Variants in DNAJA3 observed in about 807,000 individuals in gnomAD.
DNAJA3 encodes the protein dnaJ homolog subfamily A member 3, mitochondrial.
In DNAJA3, 29 loss-of-function variants were observed where a neutral mutation model predicts 54.9. The ratio of observed to expected loss-of-function variants is 0.53; its 90% CI spans 0.39 to 0.72. The LOEUF is 0.72. Among genes scored for constraint, DNAJA3 ranks in the 30% least tolerant of loss-of-function variants. The pLI, the probability that DNAJA3 is intolerant of heterozygous loss-of-function variation, is 0.00. For synonymous variants in DNAJA3, 302 were observed against 251.4 expected, an observed-to-expected ratio of 1.20 and a Z score of -1.90; for missense variants, 708 against 639.4, an observed-to-expected ratio of 1.11 and a Z score of -1.16.
intron 5 of DNAJA3, 87 bp from the exon 6 acceptor site, chr16:4,442,930 G>A: frequency 8.1e-6 from 12 of 1,481,134 alleles, no homozygotes; most frequent in Non-Finnish European, 1.0e-5. Flanking sequence ...GCCTTAAAGA[G>A]ACATTTTTCT....
At chr16:4,442,509 C>T in intron 5 of DNAJA3, 89 bp downstream of exon 5, 1 of 1,407,628 alleles carries the variant, frequency 7.1e-7, no homozygotes, top group Admixed American at 2.8e-5. Context: ...AGAACGTATG[C>T]TGGGAATTGG....
chr16:4,442,893 T>C, intron 5 of DNAJA3, 124 bp from the exon 6 acceptor site: 1 of 1,090,468 alleles, frequency 9.2e-7, no homozygotes, highest in Non-Finnish European at 1.3e-6. Context: ...GGCAGTGTGT[T>C]TGAGTGCACA....
At chr16:4,446,406 G>A (rs749726047) in intron 7 of DNAJA3, among the ~76,000 whole-genome samples, 1 of 151,288 alleles carries the variant, frequency 6.6e-6, no homozygotes, top group Non-Finnish European at 1.5e-5. Context: ...ACCACACCTG[G>A]TTAATTTTTG....
At chr16:4,432,768 G>A (rs1406808154) in intron 1 of DNAJA3, among the ~76,000 whole-genome samples, 1 of 151,998 alleles carries the variant, frequency 6.6e-6, no homozygotes, top group African/African-American at 2.4e-5. Flanking sequence ...CCCAGCAGGC[G>A]GAGGTTGCAG....
rs550315387 is a variant in DNAJA3, at chr16:4,435,288, T to C, written c.345+771T>C. 4.5e-4 allele frequency among the ~76,000 whole-genome samples: 68 copies of C among 152,096 alleles called. 1 individual carries two copies. Among genetic ancestry groups the C allele is most frequent in the South Asian group, 3.1e-3 (15 of 4,810 alleles). On this transcript the variant is annotated intron_variant, in intron 2 of 11. Transcript: ENST00000262375. Reference sequence around the variant, plus strand: ...TAGCTGAGTAAAGTTGTATACGAGATGTCTACACCACTGGTTCCTAGACCC... The same window carrying C: ...TAGCTGAGTAAAGTTGTATACGAGACGTCTACACCACTGGTTCCTAGACCC...
intron 10 of DNAJA3, among the ~76,000 whole-genome samples, chr16:4,453,458 G>A (rs1241637430): frequency 6.7e-6 from 1 of 150,328 alleles, no homozygotes; most frequent in Non-Finnish European, 1.5e-5. Flanking sequence ...TTTTTTTGGA[G>A]ACGGAGTCTC....
chr16:4,445,575 G>T (rs1482738284), intron 7 of DNAJA3, among the ~76,000 whole-genome samples: 1 of 152,144 alleles, frequency 6.6e-6, no homozygotes, highest in Non-Finnish European at 1.5e-5. Flanking sequence ...TTTTGAGGTG[G>T]GGTATTGCTT....
In DNAJA3 at chr16:4,455,959, C is replaced by T. The variant is rs532074857; in HGVS notation, c.*427C>T. 5.1e-5 allele frequency: 12 copies of T among 234,222 alleles called. No individual in the cohort carries two copies. Among genetic ancestry groups the T allele is most frequent in the East Asian group, 4.5e-4 (5 of 11,110 alleles). The allele number at this position is 234,222 out of a possible 1,614,324, so 14.5% of individuals were successfully genotyped here. ...ATTAATTTCCTTCTCAGCAAACCTC[C>T]GGGAGGTTCCAGAATGAGTTCTTCC... On this transcript the variant is annotated 3_prime_UTR_variant, in exon 12 of 12. Transcript: ENST00000262375.
At chr16:4,439,285 C>T (rs1187268525) in intron 3 of DNAJA3, among the ~76,000 whole-genome samples, 1 of 151,056 alleles carries the variant, frequency 6.6e-6, no homozygotes, top group African/African-American at 2.4e-5. Context: ...TGCTTGAACC[C>T]GGGAGGCATC....
At position 4,437,540 on chromosome 16, in the gene DNAJA3, A is replaced by G. The variant is rs1387337300; in HGVS notation, c.429+55A>G. On this transcript the variant is annotated intron_variant, in intron 3 of 11. Transcript: ENST00000262375. ...GCTGTTCAGCTATGTGTATGAATCA[A>G]AGGTTGCATTGCTACCTGGGACAGC... 5.4e-6 allele frequency: 8 copies of G among 1,486,598 alleles called. No individual in the cohort carries two copies. In the African/African-American group the frequency reaches 9.7e-5, roughly 18 times the overall value. 92.1% of individuals were successfully genotyped at this position (1,486,598 alleles called of 1,614,324 possible). A position where few individuals can be genotyped will look rare whatever the true frequency, so the allele number is the denominator to read the frequency against.
intron 10 of DNAJA3, among the ~76,000 whole-genome samples, chr16:4,451,657 T>C (rs2056979071): frequency 1.4e-5 from 2 of 144,798 alleles, no homozygotes; most frequent in South Asian, 4.3e-4. Context: ...CTCAGGACGC[T>C]GAGGCAGGAG....
At chr16:4,428,911 CGGA>C (rs1308240636) in intron 1 of DNAJA3, among the ~76,000 whole-genome samples, 54 of 123,912 alleles carry the variant, frequency 4.4e-4, no homozygotes, top group African/African-American at 1.7e-3. Context: ...TTTTTTGAGA[CGGA>C]GTCTCACTCT....
intron 3 of DNAJA3, among the ~76,000 whole-genome samples, chr16:4,438,160 A>G (rs147498659): frequency 2.9e-3 from 436 of 151,740 alleles, no homozygotes; most frequent in African/African-American, 1.0e-2. Flanking sequence ...ACTAAAAATA[A>G]AAAAAAATTA....
chr16:4,451,490 C>T (rs1207139624), intron 10 of DNAJA3, among the ~76,000 whole-genome samples: 2 of 152,016 alleles, frequency 1.3e-5, no homozygotes, highest in Admixed American at 1.3e-4. Context: ...GGCGCAGTGG[C>T]TCTTGCCTGT....
chr16:4,446,554 T>A (rs928417015), intron 7 of DNAJA3, among the ~76,000 whole-genome samples: 14 of 147,156 alleles, frequency 9.5e-5, no homozygotes, highest in South Asian at 2.1e-4. Context: ...AAAGTAAGAT[T>A]AAAAAAAAAA....
chr16:4,429,827 T>C (rs1320082179), intron 1 of DNAJA3, among the ~76,000 whole-genome samples: 1 of 150,416 alleles, frequency 6.6e-6, no homozygotes, highest in African/African-American at 2.4e-5. Flanking sequence ...AGAGCGAAAC[T>C]GTGTCTCAAA....
At chr16:4,429,554 G>C (rs1349864326) in intron 1 of DNAJA3, among the ~76,000 whole-genome samples, 2 of 152,132 alleles carry the variant, frequency 1.3e-5, no homozygotes, top group Non-Finnish European at 2.9e-5. Context: ...GCTGACTGTG[G>C]CCGGACATGG....
intron 3 of DNAJA3, among the ~76,000 whole-genome samples, chr16:4,439,355 CAAA>C (rs537238066): frequency 9.0e-5 from 9 of 100,458 alleles, no homozygotes; most frequent in Non-Finnish European, 8.5e-5. Flanking sequence ...GACTCCCAAT[CAAA>C]AAAAAAAAAA....
chr16:4,436,758 A>G (rs2056776881), intron 2 of DNAJA3, among the ~76,000 whole-genome samples: 1 of 151,808 alleles, frequency 6.6e-6, no homozygotes, highest in African/African-American at 2.4e-5. Flanking sequence ...CTGTTCTCAA[A>G]CTCCTGACCT....
Sources: gnomAD v4.1 joint callset for allele counts (sites outside exome capture counted in the v4.1 genomes callset) on GRCh38, gnomAD v4.1.1 for gene constraint, MANE v1.5 for transcripts, NCBI Gene and HGNC (gene_info 2026-07-23, HGNC 2026-07-21) for gene names.